PPP1R12B: variants seen among roughly 807,000 people sequenced by gnomAD.
PPP1R12B encodes the protein protein phosphatase 1 regulatory subunit 12B.
A neutral mutation model predicts 126.1 loss-of-function variants in PPP1R12B; 76 were observed. The observed-to-expected ratio is 0.60, with a 90% CI of 0.50 to 0.73. PPP1R12B has a LOEUF of 0.73. Among genes scored for constraint, PPP1R12B ranks in the 30% least tolerant of loss-of-function variants. The probability of loss-of-function intolerance (pLI) is 0.00; values close to 1 mark genes in which losing one functional copy is unlikely to be tolerated. For missense variants in PPP1R12B, 1,052 were observed against 1,205.1 expected (o/e 0.87, Z 1.88); for synonymous variants, 356 against 434.7 (o/e 0.82, Z 2.25).
intron 2 of PPP1R12B, among the ~76,000 whole-genome samples, chr1:202,421,272 A>G (rs559133702): frequency 1.3e-5 from 2 of 150,400 alleles, no homozygotes; most frequent in East Asian, 3.9e-4. Context: ...CTTTGAATGC[A>G]GTGGCCAGTG....
At chr1:202,417,163 G>A (rs934882353) in intron 2 of PPP1R12B, 1 of 861,104 alleles carries the variant, frequency 1.2e-6, no homozygotes, top group Middle Eastern at 6.1e-4. Context: ...TATATTTGCT[G>A]GGATATGCAG....
intron 18 of PPP1R12B, among the ~76,000 whole-genome samples, chr1:202,529,265 A>G (rs1683679826): frequency 6.6e-6 from 1 of 151,970 alleles, no homozygotes; most frequent in Non-Finnish European, 1.5e-5. Flanking sequence ...TTGATAAGGA[A>G]GAGTCTTTCA....
At chr1:202,368,667 T>C (rs1341791425) in intron 1 of PPP1R12B, among the ~76,000 whole-genome samples, 6 of 152,194 alleles carry the variant, frequency 3.9e-5, no homozygotes, top group Middle Eastern at 3.4e-3. Context: ...TTTTTTTTTT[T>C]CAAGAAATAT....
chr1:202,348,765 C>T lies in PPP1R12B; in HGVS notation c.-87C>T, dbSNP rs898969878. The T allele has an allele frequency of 6.8e-7, 1 of 1,471,910 alleles. No homozygotes were observed. 91.2% of individuals were successfully genotyped at this position (1,471,910 alleles called of 1,614,324 possible). On this transcript the variant is annotated 5_prime_UTR_variant, in exon 1 of 24. Transcript: ENST00000608999. ...CTCCGCCCTCTGCTCCGGGCTGAAG[C>T]GCTCTGAGAGAGGCGGCAGCGGCAA...
At chr1:202,567,584 C>G (rs1488633595) in intron 21 of PPP1R12B, 194 bp from the exon 22 acceptor site, 1 of 575,916 alleles carries the variant, frequency 1.7e-6, no homozygotes, top group Non-Finnish European at 3.1e-6. Context: ...GGGAATCCTG[C>G]AAACTTCAGA....
At chr1:202,529,734 G>C (rs1683731194) in intron 18 of PPP1R12B, among the ~76,000 whole-genome samples, 1 of 152,148 alleles carries the variant, frequency 6.6e-6, no homozygotes, top group African/African-American at 2.4e-5. Flanking sequence ...AATACGTTTT[G>C]CCTGGCATAC....
intron 13 of PPP1R12B, among the ~76,000 whole-genome samples, chr1:202,472,667 A>G (rs571963214): frequency 6.6e-6 from 1 of 152,360 alleles, no homozygotes; most frequent in South Asian, 2.1e-4. Flanking sequence ...GTTATCTAAG[A>G]TAGGTCACAG....
chr1:202,549,965 A>G (rs1686144718), intron 18 of PPP1R12B, among the ~76,000 whole-genome samples: 1 of 152,168 alleles, frequency 6.6e-6, no homozygotes, highest in Non-Finnish European at 1.5e-5. Context: ...GAGGCCACAC[A>G]CACTTGAGAA....
intron 18 of PPP1R12B, among the ~76,000 whole-genome samples, chr1:202,558,096 G>A (rs1351477008): frequency 5.3e-5 from 8 of 150,742 alleles, no homozygotes; most frequent in South Asian, 2.1e-4. Context: ...AAATAATTAA[G>A]TGCATTTAAA....
Position 202,564,499 on chromosome 1 carries a change from C to T in PPP1R12B, c.2709C>T (p.Ala903=). ...AACTGAAAACAAAACTTCAGGAAGC[C>T]CAGCTAGAGCTAGCAGATATAAAGT... The part of the protein sequence containing the change: ...NQKLKTKLQE[A]QLELADIKSK... The change falls in exon 21 of 24, where the codon GCC becomes GCT. Residue 903 remains alanine (A), a synonymous_variant. Transcript: ENST00000608999. 1 of 1,612,738 alleles carries T rather than the reference C, an allele frequency of 6.2e-7. No homozygotes were observed. Among genetic ancestry groups the T allele is most frequent in the South Asian group, 1.1e-5 (1 of 91,064 alleles).
rs1296627078 is a variant in PPP1R12B, at chr1:202,409,470, C to T, written c.292-7317C>T. 1.3e-4 allele frequency among the ~76,000 whole-genome samples: 20 copies of T among 151,114 alleles called. No individual in the cohort carries two copies. In the East Asian group the frequency reaches 1.6e-3, roughly 12 times the overall value. ...CCAAGTAGCTGGGACTACAGGCACG[C>T]GCCACCACGCCCAGCTAATTTTTTG... On this transcript the variant is annotated intron_variant, in intron 1 of 23. Transcript: ENST00000608999.
intron 1 of PPP1R12B, among the ~76,000 whole-genome samples, chr1:202,357,148 C>T (rs773596624): frequency 3.3e-5 from 5 of 152,144 alleles, no homozygotes; most frequent in Admixed American, 6.6e-5. Flanking sequence ...ATGATTCAGA[C>T]TTCTGACCTC....
At chr1:202,371,039 TCTGTCTC>T (rs1440822354) in intron 1 of PPP1R12B, among the ~76,000 whole-genome samples, 4 of 141,490 alleles carry the variant, frequency 2.8e-5, no homozygotes, top group African/African-American at 5.2e-5. Context: ...AGAGTCTCTC[TCTGTCTC>T]ACTCTGCCAC....
At chr1:202,466,234 C>T (rs1426457562) in intron 13 of PPP1R12B, among the ~76,000 whole-genome samples, 1 of 152,008 alleles carries the variant, frequency 6.6e-6, no homozygotes, top group Non-Finnish European at 1.5e-5. Context: ...AGAAATTCTG[C>T]CCCACCCCCC....
intron 18 of PPP1R12B, among the ~76,000 whole-genome samples, chr1:202,517,961 G>T (rs1428430639): frequency 6.6e-6 from 1 of 152,184 alleles, no homozygotes; most frequent in Non-Finnish European, 1.5e-5. Flanking sequence ...GATAGGCAAA[G>T]ACTTTGAAAA....
chr1:202,467,089 C>T (rs1675096712), intron 13 of PPP1R12B, among the ~76,000 whole-genome samples: 1 of 152,166 alleles, frequency 6.6e-6, no homozygotes, highest in Admixed American at 6.5e-5. Flanking sequence ...ACCCACCATT[C>T]CACCATCTAC....
chr1:202,567,912 G>A (rs1688213152), intron 22 of PPP1R12B, 81 bp downstream of exon 22: 1 of 1,512,394 alleles, frequency 6.6e-7, no homozygotes, highest in African/African-American at 1.4e-5. Context: ...TCATGCCAAT[G>A]GAAAAAGTCC....
chr1:202,438,430 C>T (rs1671128019), intron 10 of PPP1R12B: 3 of 460,704 alleles, frequency 6.5e-6, no homozygotes, highest in East Asian at 5.3e-5. Context: ...AAGCCCTCTG[C>T]CCCCGCCTCC....
At chr1:202,540,141 T>C (rs759003125) in intron 18 of PPP1R12B, 3 of 1,606,642 alleles carry the variant, frequency 1.9e-6, no homozygotes, top group Non-Finnish European at 2.6e-6. Flanking sequence ...TGAGGAACCA[T>C]GTCCTCTTTA....
Sources: gnomAD v4.1 joint callset for allele counts (sites outside exome capture counted in the v4.1 genomes callset) on GRCh38, gnomAD v4.1.1 for gene constraint, MANE v1.5 for transcripts, NCBI Gene and HGNC (gene_info 2026-07-23, HGNC 2026-07-21) for gene names.